The following MAP3K15 variants were observed in gnomAD, a reference collection of about 807,000 sequenced individuals.
MAP3K15 encodes the protein mitogen-activated protein kinase kinase kinase 15, also known as MAPK/ERK kinase kinase 15.
A neutral mutation model predicts 99.5 loss-of-function variants in MAP3K15; 124 were observed. The observed-to-expected ratio is 1.25, with a 90% CI of 1.08 to 1.45. The LOEUF is 1.45. MAP3K15 is among the 40% of genes most tolerant of loss of function. MAP3K15 has a pLI of 0.00. For synonymous variants in MAP3K15, 494 were observed against 439.6 expected, an observed-to-expected ratio of 1.12 and a Z score of -1.55; for missense variants, 1,242 against 1,079.7, an observed-to-expected ratio of 1.15 and a Z score of -2.11.
intron 25 of MAP3K15, among the ~76,000 whole-genome samples, chrX:19,366,730 C>T (rs2063337402): frequency 8.9e-6 from 1 of 111,848 alleles, no homozygotes; most frequent in African/African-American, 3.3e-5. Flanking sequence ...ATAAATTGCC[C>T]AGTTTCTGGT....
chrX:19,360,730 A>G lies in MAP3K15; in HGVS notation c.*19T>C. On this transcript the variant is annotated 3_prime_UTR_variant, in exon 29 of 29. Coordinates refer to ENST00000338883, the MANE Select transcript of MAP3K15 (RefSeq NM_001001671.4). ...ATGTAGCGTGGTGGGACACTCTGCC[A>G]CAGCTTAGCTGATTGGTATCAAGCC... 2 of 1,181,996 alleles carry G rather than the reference A, an allele frequency of 1.7e-6. No individual in the cohort carries two copies. Among genetic ancestry groups the G allele is most frequent in the Non-Finnish European group, 2.3e-6 (2 of 870,643 alleles).
intron 6 of MAP3K15, 137 bp from the exon 7 acceptor site, chrX:19,431,745 A>C: frequency 2.3e-6 from 1 of 440,063 alleles, no homozygotes; most frequent in Non-Finnish European, 3.7e-6. Context: ...CAGGAGTTCA[A>C]CACCAGCCTG....
chrX:19,444,618 G>A (rs1212360266), intron 6 of MAP3K15, among the ~76,000 whole-genome samples: 3 of 111,866 alleles, frequency 2.7e-5, no homozygotes, highest in Non-Finnish European at 5.6e-5. Flanking sequence ...ATCTCGAAGT[G>A]TACATATTTT....
chrX:19,454,409 A>G (rs776638739), intron 6 of MAP3K15, among the ~76,000 whole-genome samples: 26 of 112,163 alleles, frequency 2.3e-4, no homozygotes, highest in African/African-American at 7.8e-4. Flanking sequence ...GCAAATACAA[A>G]TCACTCATAA....
intron 16 of MAP3K15, 52 bp downstream of exon 16, chrX:19,395,029 C>A (rs1214899920): frequency 1.7e-6 from 2 of 1,169,225 alleles, no homozygotes; most frequent in African/African-American, 3.6e-5. Context: ...CAAATGACAT[C>A]CACGTCGTAG....
intron 19 of MAP3K15, chrX:19,376,817 C>A (rs772082278): frequency 9.1e-6 from 1 of 109,825 alleles, no homozygotes; most frequent in Non-Finnish European, 1.9e-5. Flanking sequence ...TTGATGACAA[C>A]CAGTTAGAGA....
chrX:19,406,837 G>A (rs1336258106), intron 13 of MAP3K15, among the ~76,000 whole-genome samples: 2 of 112,295 alleles, frequency 1.8e-5, no homozygotes, highest in African/African-American at 6.5e-5. Context: ...AAGTAGCTGG[G>A]ATTACAGGCA....
At chrX:19,428,548 A>G (rs2063852104) in intron 7 of MAP3K15, among the ~76,000 whole-genome samples, 1 of 112,679 alleles carries the variant, frequency 8.9e-6, no homozygotes, top group Non-Finnish European at 1.9e-5. Flanking sequence ...TAAGATCTAC[A>G]CATAATTAGT....
intron 14 of MAP3K15, among the ~76,000 whole-genome samples, 165 bp downstream of exon 14, chrX:19,400,411 T>C (rs1338391294): frequency 8.9e-6 from 1 of 111,960 alleles, no homozygotes; most frequent in Non-Finnish European, 1.9e-5. Flanking sequence ...AATGAGATTC[T>C]TCTCTGGAGA....
At chrX:19,464,161 TG>T in intron 4 of MAP3K15, 51 bp downstream of exon 4, 1 of 1,035,975 alleles carries the variant, frequency 9.7e-7, no homozygotes, top group Non-Finnish European at 1.3e-6. Context: ...CTGAAAGAAA[TG>T]GGGACATCTT....
At chrX:19,472,328 T>TA (rs1341774421) in intron 3 of MAP3K15, among the ~76,000 whole-genome samples, 1 of 110,676 alleles carries the variant, frequency 9.0e-6, no homozygotes, top group Non-Finnish European at 1.9e-5. Flanking sequence ...ATTCACGTGA[T>TA]AAAAAACAAA....
intron 3 of MAP3K15, among the ~76,000 whole-genome samples, chrX:19,473,165 G>A (rs144303815): frequency 1.8e-3 from 199 of 112,166 alleles, no homozygotes; most frequent in African/African-American, 6.3e-3. Context: ...GCAGGAATCC[G>A]GAGACTTTGG....
chrX:19,490,192 C>A lies in MAP3K15; in HGVS notation c.362-1225G>T, dbSNP rs900815164. ...ACACACACACACACACACATACATACAAAAATTCCTTAACAGTATATTGCT... is the reference window on the plus strand; with the variant it reads ...ACACACACACACACACACATACATAAAAAAATTCCTTAACAGTATATTGCT... On this transcript the variant is annotated intron_variant, in intron 1 of 28. Coordinates refer to ENST00000338883, the MANE Select transcript of MAP3K15 (RefSeq NM_001001671.4). Among the ~76,000 whole-genome samples, 25 of 100,957 alleles carry A rather than the reference C, an allele frequency of 2.5e-4. No homozygotes were observed. In the Admixed American group the frequency reaches 2.6e-3, roughly 11 times the overall value. 87.7% of individuals were successfully genotyped at this position (100,957 alleles called of 115,157 possible).
At chrX:19,500,064 T>C (rs777115954) in intron 1 of MAP3K15, among the ~76,000 whole-genome samples, 458 of 112,145 alleles carry the variant, frequency 4.1e-3, no homozygotes, top group African/African-American at 0.013. Flanking sequence ...CTGGCCAACA[T>C]GGCGAAACCC....
At chrX:19,474,047 A>G (rs1007507593) in intron 3 of MAP3K15, among the ~76,000 whole-genome samples, 1 of 111,746 alleles carries the variant, frequency 8.9e-6, no homozygotes, top group Non-Finnish European at 1.9e-5. Flanking sequence ...TTTCCTAAGG[A>G]TATCTTCCCA....
At position 19,380,160 on chromosome X, in the gene MAP3K15, G is replaced by A. The variant is rs145004525; in HGVS notation, c.2549C>T (p.Pro850Leu). Reference protein sequence around the residue: ...TIIEMATSKPPFHELGEPQAA... With the variant: ...TIIEMATSKPLFHELGEPQAA... ...CTGCGGCTCACCAAGCTCATGGAAC[G>A]GAGGCTTGCTGGTGGCCATCTCAAT... is the stretch of plus-strand genomic sequence containing the variant. Residue 850 changes from proline to leucine, a missense_variant, in exon 19 of 29, where the codon CCG (proline) becomes CTG (leucine). Pro to Leu is a moderately conservative substitution (Grantham distance 98). Coordinates refer to ENST00000338883, the MANE Select transcript of MAP3K15 (RefSeq NM_001001671.4). The A allele has an allele frequency of 3.4e-4, 410 of 1,199,813 alleles. 1 individual carries two copies. The highest frequency in any genetic ancestry group is 2.3e-4 in the Non-Finnish European group (201 of 890,827).
At chrX:19,471,269 AT>A (rs3057535) in intron 3 of MAP3K15, among the ~76,000 whole-genome samples, 2,749 of 102,296 alleles carry the variant, frequency 0.027, 99 homozygotes, top group African/African-American at 0.092. Flanking sequence ...CCTAAATATG[AT>A]TTTTTTTTTT....
At chrX:19,431,334 C>T in intron 7 of MAP3K15, 104 bp downstream of exon 7, 4 of 766,635 alleles carry the variant, frequency 5.2e-6, no homozygotes, top group Non-Finnish European at 7.3e-6. Flanking sequence ...TTGCTCCCTG[C>T]CAACAGACAG....
At chrX:19,384,193 A>C (rs1452051265) in intron 18 of MAP3K15, among the ~76,000 whole-genome samples, 4 of 111,641 alleles carry the variant, frequency 3.6e-5, no homozygotes, top group African/African-American at 1.3e-4. Flanking sequence ...AACAACATGG[A>C]TGGAACTGGA....
Sources: gnomAD v4.1 joint callset for allele counts (sites outside exome capture counted in the v4.1 genomes callset) on GRCh38, gnomAD v4.1.1 for gene constraint, MANE v1.5 for transcripts, NCBI Gene and HGNC (gene_info 2026-07-23, HGNC 2026-07-21) for gene names.